The following TMSB15A variants were observed in gnomAD, a reference collection of about 807,000 sequenced individuals.
TMSB15A encodes the protein thymosin beta 15A, also known as thymosin beta-15A.
Under a neutral mutation model 3.2 loss-of-function variants are expected in TMSB15A, and 1 was observed. That is an observed-to-expected ratio of 0.32 (90% CI 0.11 to 1.50). TMSB15A has a LOEUF of 1.50. Among genes scored for constraint, TMSB15A ranks in the 40% most tolerant of loss-of-function variants. The pLI is 0.39. For missense variants in TMSB15A, 22 were observed against 27.8 expected (o/e 0.79, Z 0.47); for synonymous variants, 10 against 11.2 (o/e 0.90, Z 0.21).
Position 102,513,781 on chromosome X carries a change from A to C in TMSB15A, c.*306T>G, listed in dbSNP as rs1556403182. On this transcript the variant is annotated 3_prime_UTR_variant, in exon 3 of 3. Transcript: ENST00000289373. ...CTTCATGAAGATTATGAAGCAATGG[A>C]AGCACCCATCATAGCAGGTTAAAAC... 1 of 270,431 alleles carries C rather than the reference A, an allele frequency of 3.7e-6. No individual in the cohort carries two copies. The highest frequency in any genetic ancestry group is 6.6e-6 in the Non-Finnish European group (1 of 151,389). The allele number at this position is 270,431 out of a possible 1,213,427, so 22.3% of individuals were successfully genotyped here.
At chrX:102,514,766 A>G (rs149829864) in intron 2 of TMSB15A, among the ~76,000 whole-genome samples, 1,242 of 112,195 alleles carry the variant, frequency 0.011, 19 homozygotes, top group African/African-American at 0.038. Context: ...AGTGAACAAA[A>G]CTAAGATTTT....
At position 102,514,039 on chromosome X, in the gene TMSB15A, A is replaced by G; in HGVS notation, c.*48T>C. 1.7e-6 allele frequency: 2 copies of G among 1,195,960 alleles called. No homozygotes were observed. Among genetic ancestry groups the G allele is most frequent in the Non-Finnish European group, 2.3e-6 (2 of 881,525 alleles). ...TTTACAAAAAACAAGCCTAAAATCA[A>G]GACTCTCAGGTAATGTCGAAATCTG... On this transcript the variant is annotated 3_prime_UTR_variant, in exon 3 of 3. Transcript: ENST00000289373.
In TMSB15A at chrX:102,516,716, C is replaced by T. The variant is rs1183545722; in HGVS notation, c.-68G>A. On this transcript the variant is annotated 5_prime_UTR_variant, in exon 1 of 3. Transcript: ENST00000289373. Reference sequence around the variant, plus strand: ...GCTGTTCGCGGGGCTGAGACCCAGACTCGCTCCGGACCAGGTTAGCGTTCC... The same window carrying T: ...GCTGTTCGCGGGGCTGAGACCCAGATTCGCTCCGGACCAGGTTAGCGTTCC... 4.5e-5 allele frequency: 5 copies of T among 111,866 alleles called. No individual in the cohort carries two copies. Among genetic ancestry groups the T allele is most frequent in the African/African-American group, 1.6e-4 (5 of 30,799 alleles). 9.2% of individuals were successfully genotyped at this position (111,866 alleles called of 1,213,427 possible).
chrX:102,513,959 G>C lies in TMSB15A; in HGVS notation c.*128C>G. The stretch of plus-strand genomic sequence containing the variant: ...TGGCTACCTCTGACTTCTTAGCCAG[G>C]GAACATAGGTGAGAAGATATCCGAA... On this transcript the variant is annotated 3_prime_UTR_variant, in exon 3 of 3. Transcript: ENST00000289373. 6.8e-6 allele frequency: 5 copies of C among 736,754 alleles called. No individual in the cohort carries two copies. The highest frequency in any genetic ancestry group is 1.0e-5 in the Non-Finnish European group (5 of 485,773). 60.7% of individuals were successfully genotyped at this position (736,754 alleles called of 1,213,427 possible).
intron 1 of TMSB15A, among the ~76,000 whole-genome samples, chrX:102,516,288 C>T (rs942118901): frequency 1.5e-4 from 17 of 113,111 alleles, no homozygotes; most frequent in African/African-American, 4.5e-4. Flanking sequence ...CCCAGCCTAA[C>T]GGCCACGGGA....
intron 2 of TMSB15A, 68 bp from the exon 3 acceptor site, chrX:102,514,192 A>G (rs1019362210): frequency 7.6e-5 from 87 of 1,150,795 alleles, no homozygotes; most frequent in Non-Finnish European, 9.3e-5. Flanking sequence ...CTTTCAAAAG[A>G]GCTCCTTGCT....
Position 102,513,761 on chromosome X carries a change from T to C in TMSB15A, c.*326A>G, listed in dbSNP as rs1229953369. ...AAAGCTGCAAAAGCATGCAACTTCA[T>C]GAAGATTATGAAGCAATGGAAGCAC... On this transcript the variant is annotated 3_prime_UTR_variant, in exon 3 of 3. Coordinates refer to ENST00000289373, the MANE Select transcript of TMSB15A (RefSeq NM_021992.3). 1 of 232,266 alleles carries C rather than the reference T, an allele frequency of 4.3e-6. No individual in the cohort carries two copies. The highest frequency in any genetic ancestry group is 7.8e-6 in the Non-Finnish European group (1 of 128,420). 19.1% of individuals were successfully genotyped at this position (232,266 alleles called of 1,213,427 possible).
At position 102,514,071 on chromosome X, in the gene TMSB15A, G is replaced by A; in HGVS notation, c.*16C>T. On this transcript the variant is annotated 3_prime_UTR_variant, in exon 3 of 3. Coordinates refer to ENST00000289373, the MANE Select transcript of TMSB15A (RefSeq NM_021992.3). ...CAGGTAATGTCGAAATCTGCTGTTG[G>A]GAGGCGATCCCCATTTTATGATGTT... is the stretch of plus-strand genomic sequence containing the variant. 8.3e-7 allele frequency: 1 copy of A among 1,210,395 alleles called. No individual in the cohort carries two copies.
rs1556403240 is a variant in TMSB15A, at chrX:102,514,088, T to A, written c.137A>T (p.Ter46LeuextTer14). The change falls in exon 3 of 3, where the codon TAA (stop) becomes TTA (leucine). Residue 46 changes from the stop codon to leucine, a stop_lost. Coordinates refer to ENST00000289373, the MANE Select transcript of TMSB15A (RefSeq NM_021992.3). ...QQEKECVQTS[*>L] ...TGCTGTTGGGAGGCGATCCCCATTT[T>A]ATGATGTTTGAACACACTCTTTCTC... The A allele has an allele frequency of 8.3e-7, 1 of 1,211,558 alleles. No homozygotes were observed. The highest frequency in any genetic ancestry group is 2.2e-5 in the Admixed American group (1 of 46,081).
chrX:102,514,422 C>T (rs782298670), intron 2 of TMSB15A, among the ~76,000 whole-genome samples: 15 of 112,127 alleles, frequency 1.3e-4, no homozygotes, highest in South Asian at 3.7e-4. Flanking sequence ...GCAATTTCTT[C>T]GGATTTATCT....
chrX:102,514,205 G>C, intron 2 of TMSB15A, 81 bp from the exon 3 acceptor site: 1 of 1,085,723 alleles, frequency 9.2e-7, no homozygotes, highest in Non-Finnish European at 1.3e-6. Flanking sequence ...TCCTTGCTAA[G>C]TCATCGAAGT....
rs1228939594 is a variant in TMSB15A at position 102,514,156 on chromosome X, T to TATG, written c.101-35_101-33dup. 18 of 1,204,843 alleles carry TATG rather than the reference T, an allele frequency of 1.5e-5. No homozygotes were observed. In the African/African-American group the frequency reaches 3.0e-4, roughly 20 times the overall value. On this transcript the variant is annotated intron_variant, in intron 2 of 2. Transcript: ENST00000289373. ...AGACAAACACAAAAATCATTAACCG[T>TATG]ATGTACCTAAGATTAAGTTCAGTTT... is the stretch of plus-strand genomic sequence containing the variant.
rs41306275 is a variant in TMSB15A at position 102,513,793 on chromosome X, T to G, written c.*294A>C. 1.1e-3 allele frequency: 319 copies of G among 302,456 alleles called. 1 individual carries two copies. The highest frequency in any genetic ancestry group is 1.8e-3 in the Non-Finnish European group (302 of 170,555). 24.9% of individuals were successfully genotyped at this position (302,456 alleles called of 1,213,427 possible). A position where few individuals can be genotyped will look rare whatever the true frequency, so the allele number is the denominator to read the frequency against. ...TATGAAGCAATGGAAGCACCCATCA[T>G]AGCAGGTTAAAACAGGCTTATCCAG... On this transcript the variant is annotated 3_prime_UTR_variant, in exon 3 of 3. Transcript: ENST00000289373.
intron 1 of TMSB15A, among the ~76,000 whole-genome samples, chrX:102,516,156 C>T (rs1251283267): frequency 8.9e-6 from 1 of 111,937 alleles, no homozygotes; most frequent in African/African-American, 3.2e-5. Flanking sequence ...AGCCATTAGA[C>T]GCCAAGCTCA....
In TMSB15A at chrX:102,513,917, T is replaced by C. The variant is rs1254582068; in HGVS notation, c.*170A>G. ...TATGCACCAATGGTAAGTTTAAAAA[T>C]GAATTTAAGGAAACATTGGCTACCT... On this transcript the variant is annotated 3_prime_UTR_variant, in exon 3 of 3. Coordinates refer to ENST00000289373, the MANE Select transcript of TMSB15A (RefSeq NM_021992.3). 3 of 533,753 alleles carry C rather than the reference T, an allele frequency of 5.6e-6. No homozygotes were observed. Among genetic ancestry groups the C allele is most frequent in the Admixed American group, 6.2e-5 (2 of 32,449 alleles). The allele number at this position is 533,753 out of a possible 1,213,427, so 44.0% of individuals were successfully genotyped here. A position where few individuals can be genotyped will look rare whatever the true frequency, so the allele number is the denominator to read the frequency against.
Position 102,514,147 on chromosome X carries a change from C to A in TMSB15A, c.101-23G>T, listed in dbSNP as rs1934869694. The A allele has an allele frequency of 2.5e-6, 3 of 1,209,998 alleles. No homozygotes were observed. In the East Asian group the frequency reaches 8.9e-5, roughly 36 times the overall value. On this transcript the variant is annotated intron_variant, in intron 2 of 2. Transcript: ENST00000289373. ...TAGCTGGGAAGACAAACACAAAAAT[C>A]ATTAACCGTATGTACCTAAGATTAA...
chrX:102,514,089 A>C lies in TMSB15A; in HGVS notation c.136T>G (p.Ter46GluextTer14). The C allele has an allele frequency of 2.5e-6, 3 of 1,211,395 alleles. No individual in the cohort carries two copies. Among genetic ancestry groups the C allele is most frequent in the Non-Finnish European group, 3.4e-6 (3 of 895,248 alleles). ...GCTGTTGGGAGGCGATCCCCATTTTATGATGTTTGAACACACTCTTTCTCT... is the reference window on the plus strand; with the variant it reads ...GCTGTTGGGAGGCGATCCCCATTTTCTGATGTTTGAACACACTCTTTCTCT... ...QQEKECVQTS* is the reference protein window; with the variant it reads ...QQEKECVQTSE The change falls in exon 3 of 3, where the codon TAA becomes GAA. Residue 46 changes from the stop codon to glutamate, a stop_lost. Transcript: ENST00000289373.
Position 102,514,012 on chromosome X carries a change from G to A in TMSB15A, c.*75C>T. On this transcript the variant is annotated 3_prime_UTR_variant, in exon 3 of 3. Transcript: ENST00000289373. Reference sequence around the variant, plus strand: ...CGCCTAAAATCTCTACAAACACATGGGTTTACAAAAAACAAGCCTAAAATC... The same window carrying A: ...CGCCTAAAATCTCTACAAACACATGAGTTTACAAAAAACAAGCCTAAAATC... 8.9e-7 allele frequency: 1 copy of A among 1,120,303 alleles called. No individual in the cohort carries two copies. 92.3% of individuals were successfully genotyped at this position (1,120,303 alleles called of 1,213,427 possible). A position where few individuals can be genotyped will look rare whatever the true frequency, so the allele number is the denominator to read the frequency against.
At chrX:102,516,545 G>C (rs1934898023) in intron 1 of TMSB15A, 121 bp downstream of exon 1, 1 of 113,136 alleles carries the variant, frequency 8.8e-6, no homozygotes, top group Non-Finnish European at 1.9e-5. Flanking sequence ...GTGCAGACGC[G>C]AAGCGCCAGC....
Sources: gnomAD v4.1 joint callset for allele counts (sites outside exome capture counted in the v4.1 genomes callset) on GRCh38, gnomAD v4.1.1 for gene constraint, MANE v1.5 for transcripts, NCBI Gene and HGNC (gene_info 2026-07-23, HGNC 2026-07-21) for gene names.